Variants in PHACTR1 observed in about 807,000 individuals in gnomAD.
PHACTR1 encodes the protein phosphatase and actin regulator 1.
A neutral mutation model predicts 69.2 loss-of-function variants in PHACTR1; 16 were observed. The observed-to-expected ratio is 0.23, with a 90% CI of 0.16 to 0.35. The LOEUF (loss-of-function observed/expected upper bound fraction) is 0.35. Ranked by LOEUF, PHACTR1 falls within the 10% of genes least tolerant of loss-of-function variation. The probability of loss-of-function intolerance (pLI) is 1.00; values close to 1 mark genes in which losing one functional copy is unlikely to be tolerated. For missense variants in PHACTR1, 510 were observed against 734.7 expected, an observed-to-expected ratio of 0.69 and a Z score of 3.54; for synonymous variants, 312 against 284.5, an observed-to-expected ratio of 1.10 and a Z score of -0.97.
At chr6:12,928,458 CT>C (rs1216204879) in intron 4 of PHACTR1, among the ~76,000 whole-genome samples, 1 of 152,148 alleles carries the variant, frequency 6.6e-6, no homozygotes, top group African/African-American at 2.4e-5. Flanking sequence ...ATTTGTCTTT[CT>C]TTTATCTTCA....
intron 4 of PHACTR1, among the ~76,000 whole-genome samples, chr6:12,804,621 A>G (rs1774090362): frequency 2.6e-5 from 4 of 152,198 alleles, no homozygotes; most frequent in Admixed American, 6.5e-5. Context: ...CAGGAGTTCG[A>G]GATGAGCTTG....
At chr6:13,078,412 T>C (rs9473427) in intron 5 of PHACTR1, among the ~76,000 whole-genome samples, 48,371 of 152,114 alleles carry the variant, frequency 0.32, 9,544 homozygotes, top group African/African-American at 0.56. Flanking sequence ...CAATGGGTGA[T>C]ATCTTCAACA....
chr6:13,082,925 C>T (rs1811645662), intron 5 of PHACTR1, among the ~76,000 whole-genome samples: 1 of 152,154 alleles, frequency 6.6e-6, no homozygotes, highest in Non-Finnish European at 1.5e-5. Context: ...GTTTCTTTTG[C>T]TGTGCAGAAG....
intron 6 of PHACTR1, among the ~76,000 whole-genome samples, chr6:13,174,125 A>G (rs74741866): frequency 0.041 from 6,271 of 152,318 alleles, 284 homozygotes; most frequent in African/African-American, 0.11. Context: ...TAGGACCACT[A>G]ACACCAGAAT....
At chr6:13,251,804 A>G (rs1017046063) in intron 10 of PHACTR1, among the ~76,000 whole-genome samples, 2 of 151,850 alleles carry the variant, frequency 1.3e-5, no homozygotes, top group African/African-American at 2.4e-5. Context: ...TATATATAAT[A>G]AGGGGATTGA....
intron 5 of PHACTR1, among the ~76,000 whole-genome samples, chr6:13,090,333 A>G (rs989406089): frequency 1.3e-5 from 2 of 151,526 alleles, no homozygotes; most frequent in Non-Finnish European, 2.9e-5. Context: ...GGCATGAGCC[A>G]CCCCACCCCA....
At chr6:13,159,403 G>C (rs1201642012) in intron 5 of PHACTR1, among the ~76,000 whole-genome samples, 2 of 152,162 alleles carry the variant, frequency 1.3e-5, no homozygotes, top group African/African-American at 2.4e-5. Context: ...AAAATAGTTG[G>C]AAAGCAACAG....
chr6:13,005,550 T>C (rs1376359466), intron 4 of PHACTR1, among the ~76,000 whole-genome samples: 2 of 152,156 alleles, frequency 1.3e-5, no homozygotes, highest in Non-Finnish European at 2.9e-5. Flanking sequence ...TCTATTGAAA[T>C]ATAATGTATA....
intron 4 of PHACTR1, among the ~76,000 whole-genome samples, chr6:12,947,539 T>C (rs551020922): frequency 3.3e-5 from 5 of 152,106 alleles, no homozygotes; most frequent in Non-Finnish European, 7.4e-5. Context: ...TCAAAAGTAG[T>C]GAGACTTTAA....
At chr6:13,170,498 A>T (rs1287428389) in intron 6 of PHACTR1, among the ~76,000 whole-genome samples, 1 of 152,184 alleles carries the variant, frequency 6.6e-6, no homozygotes, top group African/African-American at 2.4e-5. Context: ...AGCCACTGAC[A>T]TGCATTGACC....
chr6:12,850,007 T>C (rs958513641), intron 4 of PHACTR1, among the ~76,000 whole-genome samples: 2 of 152,222 alleles, frequency 1.3e-5, no homozygotes, highest in Non-Finnish European at 2.9e-5. Flanking sequence ...TGCCTGCTTC[T>C]TTTTCCTGCT....
intron 6 of PHACTR1, among the ~76,000 whole-genome samples, chr6:13,170,689 A>T (rs1760470277): frequency 6.6e-6 from 1 of 152,244 alleles, no homozygotes; most frequent in African/African-American, 2.4e-5. Context: ...CTCTTGCAGG[A>T]GTCCTGAGCC....
intron 12 of PHACTR1, among the ~76,000 whole-genome samples, chr6:13,279,135 A>C (rs963432044): frequency 6.6e-6 from 1 of 152,042 alleles, no homozygotes; most frequent in African/African-American, 2.4e-5. Context: ...AATTTAAAGC[A>C]GATGTTTGAG....
chr6:12,879,909 G>C (rs939642917), intron 4 of PHACTR1, among the ~76,000 whole-genome samples: 1 of 152,126 alleles, frequency 6.6e-6, no homozygotes, highest in South Asian at 2.1e-4. Flanking sequence ...TATCCTTGTA[G>C]TAGCTAGGAC....
chr6:13,021,793 C>G (rs1293184516), intron 4 of PHACTR1, among the ~76,000 whole-genome samples: 1 of 152,214 alleles, frequency 6.6e-6, no homozygotes, highest in Non-Finnish European at 1.5e-5. Context: ...AGAGTTAACT[C>G]AGTCCACTTA....
intron 13 of PHACTR1, 129 bp from the exon 14 acceptor site, chr6:13,286,017 T>C (rs1781618487): frequency 1.4e-6 from 1 of 721,406 alleles, no homozygotes; most frequent in Non-Finnish European, 2.2e-6. Context: ...TTCCTCCCAA[T>C]GAAAGAATCC....
At chr6:13,264,596 G>A (rs1179531385) in intron 10 of PHACTR1, among the ~76,000 whole-genome samples, 3 of 152,166 alleles carry the variant, frequency 2.0e-5, no homozygotes, top group African/African-American at 7.2e-5. Context: ...GCATGTGCCT[G>A]TAATCCCAGC....
At chr6:13,169,731 A>G (rs898254736) in intron 6 of PHACTR1, among the ~76,000 whole-genome samples, 3 of 152,230 alleles carry the variant, frequency 2.0e-5, no homozygotes, top group African/African-American at 7.2e-5. Flanking sequence ...GATTACATTT[A>G]TGCTATTATA....
At chr6:12,943,501 A>G (rs1450674444) in intron 4 of PHACTR1, among the ~76,000 whole-genome samples, 1 of 152,238 alleles carries the variant, frequency 6.6e-6, no homozygotes, top group African/African-American at 2.4e-5. Context: ...AAATGGTTAC[A>G]ATAGTGAATT....
Sources: allele counts gnomAD v4.1 joint callset (sites outside exome capture counted in the v4.1 genomes callset), GRCh38; gene constraint gnomAD v4.1.1; transcripts MANE v1.5; gene names NCBI Gene and HGNC (gene_info 2026-07-23, HGNC 2026-07-21).